FUT8: variants seen among roughly 807,000 people sequenced by gnomAD.
FUT8 encodes the protein alpha-(1,6)-fucosyltransferase.
Under a neutral mutation model 71.3 loss-of-function variants are expected in FUT8, and 29 were observed. The observed-to-expected ratio is 0.41, with a 90% CI of 0.30 to 0.55. The LOEUF is 0.55. Ranked by LOEUF, FUT8 falls within the 20% of genes least tolerant of loss-of-function variation. FUT8 has a pLI of 0.34. For missense variants in FUT8, 544 were observed against 702.1 expected, an observed-to-expected ratio of 0.77 and a Z score of 2.55; for synonymous variants, 254 against 239.3, an observed-to-expected ratio of 1.06 and a Z score of -0.57.
chr14:65,377,814 T>C, the FUT8 span, among the ~76,000 whole-genome samples: 1 of 151,800 alleles, frequency 6.6e-6, no homozygotes. Flanking sequence ...GAACCAGTTG[T>C]GAAATTAAAC....
intron 7 of FUT8, among the ~76,000 whole-genome samples, chr14:65,696,813 G>A (rs1436198433): frequency 6.6e-6 from 1 of 151,562 alleles, no homozygotes; most frequent in East Asian, 1.9e-4. Flanking sequence ...TTCTTTCCTT[G>A]GTCATATCCA....
chr14:65,390,868 C>T, the FUT8 span, among the ~76,000 whole-genome samples: 1 of 151,920 alleles, frequency 6.6e-6, no homozygotes, highest in Admixed American at 6.6e-5. Flanking sequence ...GGACTACAGG[C>T]ACACGCCACA....
intron 3 of FUT8, among the ~76,000 whole-genome samples, chr14:65,581,052 G>T (rs1375291730): frequency 6.6e-6 from 1 of 152,056 alleles, no homozygotes; most frequent in East Asian, 1.9e-4. Context: ...CAATAAACTT[G>T]CTGGTTTTTA....
In FUT8 at chr14:65,597,546, C is replaced by G. The variant is rs2140158404; in HGVS notation, c.204-18432C>G. Among the ~76,000 whole-genome samples, 2 of 151,874 alleles carry G rather than the reference C, an allele frequency of 1.3e-5. 1 individual carries two copies. The highest frequency in any genetic ancestry group is 4.2e-4 in the South Asian group (2 of 4,812). On this transcript the variant is annotated intron_variant, in intron 3 of 10. Transcript: ENST00000673929. ...GCTGAGGCAGGAGAATGGTGTGAAC[C>G]CGGGAGGCGGAGTTTGCAGTGAGCC...
Position 65,721,773 on chromosome 14 carries a change from A to T in FUT8, c.836-2A>T. On this transcript the variant is annotated splice_acceptor_variant, in intron 7 of 10. Transcript: ENST00000673929. LOFTEE classifies it high-confidence loss of function. ...AATGATTATATGTTTCAATATTGTC[A>T]GGTGAAGTGAAGGACAAAAATGTTC... 1 of 1,613,920 alleles carries T rather than the reference A, an allele frequency of 6.2e-7. No individual in the cohort carries two copies. Among genetic ancestry groups the T allele is most frequent in the Non-Finnish European group, 8.5e-7 (1 of 1,179,766 alleles).
chr14:65,508,685 A>G (rs1882122658), intron 2 of FUT8, among the ~76,000 whole-genome samples: 1 of 151,242 alleles, frequency 6.6e-6, no homozygotes, highest in African/African-American at 2.4e-5. Flanking sequence ...TATTTTTAGT[A>G]GAGACGGAGT....
In FUT8 at chr14:65,589,475, G is replaced by A. The variant is rs557878972; in HGVS notation, c.204-26503G>A. 5.0e-5 allele frequency among the ~76,000 whole-genome samples: 6 copies of A among 118,840 alleles called. No individual in the cohort carries two copies. In the South Asian group the frequency reaches 1.5e-3, roughly 31 times the overall value. The allele number at this position is 118,840 out of a possible 152,430, so 78.0% of individuals were successfully genotyped here. A position where few individuals can be genotyped will look rare whatever the true frequency, so the allele number is the denominator to read the frequency against. On this transcript the variant is annotated intron_variant, in intron 3 of 10. Transcript: ENST00000673929. ...TTTTTTTTTTTTGAGATGGAATCTC[G>A]CTCTGTCGCCCAGGCTGGAGTGCAG...
At chr14:65,401,479 C>T in the FUT8 span, among the ~76,000 whole-genome samples, 12 of 152,284 alleles carry the variant, frequency 7.9e-5, no homozygotes, top group African/African-American at 2.9e-4. Flanking sequence ...AACAAGACTT[C>T]CTTCTCTGGA....
chr14:65,688,550 G>T (rs1893417333), intron 7 of FUT8, among the ~76,000 whole-genome samples: 1 of 146,122 alleles, frequency 6.8e-6, no homozygotes, highest in Non-Finnish European at 1.5e-5. Context: ...AAAAAAGGCA[G>T]GGGAGTTGGG....
intron 2 of FUT8, among the ~76,000 whole-genome samples, chr14:65,508,521 A>ATTTTTT: frequency 2.0e-5 from 1 of 50,662 alleles, no homozygotes; most frequent in African/African-American, 8.5e-5. Context: ...TTTTTTTGAG[A>ATTTTTT]TGGAGTTTCG....
In FUT8 at chr14:65,669,558, T is replaced by C. The variant is rs1441572003; in HGVS notation, c.835+78T>C. The C allele has an allele frequency of 2.1e-6, 2 of 936,692 alleles. No individual in the cohort carries two copies. The highest frequency in any genetic ancestry group is 3.4e-6 in the Non-Finnish European group (2 of 583,324). The allele number at this position is 936,692 out of a possible 1,614,324, so 58.0% of individuals were successfully genotyped here. ...AGATTATTAGATTTCTAGGTAGACC[T>C]TCATGGAACATACTTATCTTTTCCT... On this transcript the variant is annotated intron_variant, in intron 7 of 10. Transcript: ENST00000673929. This position sits in a 1 kb window ranked among gnomAD's most constrained non-coding sequence, Gnocchi z 4.5.
At chr14:65,735,070 T>A (rs1044020900) in intron 10 of FUT8, among the ~76,000 whole-genome samples, 26 of 152,120 alleles carry the variant, frequency 1.7e-4, no homozygotes. Flanking sequence ...TAAATAAACA[T>A]ACACATGTCT....
chr14:65,399,567 T>C, the FUT8 span, among the ~76,000 whole-genome samples: 2 of 152,192 alleles, frequency 1.3e-5, no homozygotes, highest in African/African-American at 4.8e-5. Flanking sequence ...CATAGTTACA[T>C]GGTAGGAGCT....
At chr14:65,446,543 T>A (rs1443334914) in intron 1 of FUT8, among the ~76,000 whole-genome samples, 1 of 152,232 alleles carries the variant, frequency 6.6e-6, no homozygotes, top group Non-Finnish European at 1.5e-5. Context: ...TAGAATATTT[T>A]CTTCATCACT....
chr14:65,441,810 TA>T (rs749251771), intron 1 of FUT8, among the ~76,000 whole-genome samples: 2,168 of 150,996 alleles, frequency 0.014, 29 homozygotes, highest in Non-Finnish European at 0.025. Context: ...TTTTTTTTTT[TA>T]ATTATACTTT....
intron 2 of FUT8, among the ~76,000 whole-genome samples, chr14:65,556,959 T>C (rs931213652): frequency 6.6e-6 from 1 of 152,184 alleles, no homozygotes; most frequent in Non-Finnish European, 1.5e-5. Context: ...GAGACTCCAG[T>C]CTAGACACTG....
chr14:65,556,755 G>T (rs993611352), intron 2 of FUT8, among the ~76,000 whole-genome samples: 1 of 152,158 alleles, frequency 6.6e-6, no homozygotes, highest in Non-Finnish European at 1.5e-5. Flanking sequence ...AATTGTAAAT[G>T]GGTCTATAAA....
At chr14:65,373,522 T>G in the FUT8 span, among the ~76,000 whole-genome samples, 1 of 151,872 alleles carries the variant, frequency 6.6e-6, no homozygotes, top group African/African-American at 2.4e-5. Context: ...AAAAGAGCGT[T>G]GTAACACCAC....
intron 7 of FUT8, among the ~76,000 whole-genome samples, chr14:65,692,592 T>A (rs1893721534): frequency 1.4e-5 from 2 of 144,868 alleles, no homozygotes; most frequent in African/African-American, 2.6e-5. Context: ...ACGGGGCGGC[T>A]GGCTGGGCGG....
Sources: gnomAD v4.1 joint callset for allele counts (sites outside exome capture counted in the v4.1 genomes callset) on GRCh38, gnomAD v4.1.1 for gene constraint, Gnocchi (gnomAD v3.1) non-coding constraint, MANE v1.5 for transcripts, NCBI Gene and HGNC (gene_info 2026-07-23, HGNC 2026-07-21) for gene names.